The following DGKG variants were observed in gnomAD, a reference collection of about 807,000 sequenced individuals.
DGKG encodes the protein DAG kinase gamma.
DGKG carries 78 observed loss-of-function variants against 105.3 expected under a neutral mutation model. The observed-to-expected ratio is 0.74, with a 90% CI of 0.62 to 0.89. The LOEUF (loss-of-function observed/expected upper bound fraction) is 0.89, where lower values mean the gene tolerates loss of function less well. DGKG is among the 40% of genes least tolerant of loss of function. The probability of loss-of-function intolerance (pLI) is 0.00; values close to 1 mark genes in which losing one functional copy is unlikely to be tolerated. For synonymous variants in DGKG, 346 were observed against 367.1 expected, an observed-to-expected ratio of 0.94 and a Z score of 0.66; for missense variants, 958 against 1,020.1, an observed-to-expected ratio of 0.94 and a Z score of 0.83.
intron 1 of DGKG, among the ~76,000 whole-genome samples, chr3:186,328,935 T>A (rs552355264): frequency 6.6e-6 from 1 of 152,212 alleles, no homozygotes; most frequent in Admixed American, 6.5e-5. Context: ...ATTGCCTGAC[T>A]CTCCAGATGG....
chr3:186,257,833 G>A (rs768431524), intron 17 of DGKG, 21 bp downstream of exon 17: 20 of 1,587,112 alleles, frequency 1.3e-5, no homozygotes, highest in Admixed American at 5.0e-5. Context: ...AGCAGCAAAC[G>A]CCCTCTCAGC....
chr3:186,179,760 T>G (rs568904890), intron 22 of DGKG, among the ~76,000 whole-genome samples: 1 of 152,138 alleles, frequency 6.6e-6, no homozygotes, highest in Non-Finnish European at 1.5e-5. Flanking sequence ...TACTTTCTGA[T>G]GTAGAGTCAG....
At chr3:186,187,693 A>G in intron 22 of DGKG, among the ~76,000 whole-genome samples, 1 of 152,228 alleles carries the variant, frequency 6.6e-6, no homozygotes, top group African/African-American at 2.4e-5. Context: ...CAGACAGTGA[A>G]GAGAAGAGGG....
intron 17 of DGKG, among the ~76,000 whole-genome samples, chr3:186,256,696 G>A (rs1721493969): frequency 6.6e-6 from 1 of 152,236 alleles, no homozygotes; most frequent in African/African-American, 2.4e-5. Flanking sequence ...AGCTTTTCTC[G>A]AATCCACTCT....
chr3:186,173,092 A>G (rs1163381801), intron 22 of DGKG, among the ~76,000 whole-genome samples: 1 of 152,118 alleles, frequency 6.6e-6, no homozygotes, highest in East Asian at 1.9e-4. Flanking sequence ...TGTGTTTCCA[A>G]ATCTCTTCTT....
intron 20 of DGKG, among the ~76,000 whole-genome samples, chr3:186,221,872 G>A (rs1267637042): frequency 2.6e-5 from 4 of 152,208 alleles, no homozygotes; most frequent in East Asian, 1.9e-4. Context: ...CGTGACCGCC[G>A]GGTGGGTCCT....
At chr3:186,251,110 T>TG (rs11431720) in intron 19 of DGKG, among the ~76,000 whole-genome samples, 25,895 of 151,716 alleles carry the variant, frequency 0.17, 2,953 homozygotes, top group African/African-American at 0.33. Flanking sequence ...TGCATGGCAG[T>TG]GGGGGGCACC....
At chr3:186,312,986 A>G (rs573086705) in intron 2 of DGKG, among the ~76,000 whole-genome samples, 3 of 152,370 alleles carry the variant, frequency 2.0e-5, no homozygotes, top group East Asian at 1.9e-4. Context: ...GGCAAAAAAA[A>G]TAGATATTCA....
At chr3:186,155,592 A>G (rs752778211) in intron 24 of DGKG, among the ~76,000 whole-genome samples, 3 of 152,184 alleles carry the variant, frequency 2.0e-5, no homozygotes, top group Non-Finnish European at 2.9e-5. Flanking sequence ...TTATATATCA[A>G]TCTCTCTGTA....
In DGKG at chr3:186,320,600, A is replaced by G; in HGVS notation, c.-141T>C. The G allele has an allele frequency of 2.1e-6, 3 of 1,408,302 alleles. No individual in the cohort carries two copies. The highest frequency in any genetic ancestry group is 2.9e-6 in the Non-Finnish European group (3 of 1,046,916). 87.2% of individuals were successfully genotyped at this position (1,408,302 alleles called of 1,614,324 possible). A position where few individuals can be genotyped will look rare whatever the true frequency, so the allele number is the denominator to read the frequency against. On this transcript the variant is annotated 5_prime_UTR_variant, in exon 2 of 25. Coordinates refer to ENST00000265022, the MANE Select transcript of DGKG (RefSeq NM_001346.3). ...GAGACTTCTGGGAGCACTCAAGTGT[A>G]TACAGCAGCAGCAGGCACCTCTCAG...
Position 186,196,738 on chromosome 3 carries a change from C to T in DGKG, c.1918-8359G>A, listed in dbSNP as rs150014595. 2.9e-3 allele frequency among the ~76,000 whole-genome samples: 437 copies of T among 152,246 alleles called. 2 individuals are homozygous for T. Among genetic ancestry groups the T allele is most frequent in the African/African-American group, 9.9e-3 (411 of 41,536 alleles). ...CAACATGGGACATTAGAGATCATTC[C>T]TAATTACCAAAATGAGAACAGTGAG... is the stretch of plus-strand genomic sequence containing the variant. On this transcript the variant is annotated intron_variant, in intron 21 of 24. Transcript: ENST00000265022.
chr3:186,237,924 T>C (rs376985946), intron 20 of DGKG, among the ~76,000 whole-genome samples: 3 of 152,348 alleles, frequency 2.0e-5, no homozygotes, highest in East Asian at 3.9e-4. Flanking sequence ...GTTCACCACT[T>C]GGCATCTAGG....
At chr3:186,159,256 T>C (rs1016764255) in intron 24 of DGKG, 1 of 152,086 alleles carries the variant, frequency 6.6e-6, no homozygotes, top group Non-Finnish European at 1.5e-5. Flanking sequence ...TTTTAAATTC[T>C]TCCAGATTTG....
chr3:186,206,845 G>A (rs978940142), intron 21 of DGKG, among the ~76,000 whole-genome samples: 2 of 152,122 alleles, frequency 1.3e-5, no homozygotes, highest in African/African-American at 2.4e-5. Flanking sequence ...TGCCTCATGA[G>A]TTCAAGAGAT....
At chr3:186,156,261 T>C (rs1007909512) in intron 24 of DGKG, among the ~76,000 whole-genome samples, 2 of 151,818 alleles carry the variant, frequency 1.3e-5, no homozygotes, top group Non-Finnish European at 2.9e-5. Flanking sequence ...ACTGGGGGGC[T>C]TTTTTTTGCT....
chr3:186,229,854 CGAGT>C (rs1560105573), intron 20 of DGKG, among the ~76,000 whole-genome samples: 1 of 152,144 alleles, frequency 6.6e-6, no homozygotes, highest in South Asian at 2.1e-4. Flanking sequence ...GACTCCTCTC[CGAGT>C]GAGAAAGCTT....
rs368371497 is a variant in DGKG at position 186,275,646 on chromosome 3, G to T, written c.811C>A (p.Arg271=). Residue 271 remains arginine (R), a synonymous_variant, in exon 10 of 25, where the codon CGG becomes AGG. Transcript: ENST00000265022. ...MDDSGSKGDG[R]HAWTMKHFKK... Reference sequence around the variant, plus strand: ...AAGTGCTTCATGGTCCAGGCGTGCCGCCCATCCCCCTTGGAGCCCTGCAGG... The same window carrying T: ...AAGTGCTTCATGGTCCAGGCGTGCCTCCCATCCCCCTTGGAGCCCTGCAGG... 1 of 1,613,808 alleles carries T rather than the reference G, an allele frequency of 6.2e-7. No homozygotes were observed. Among genetic ancestry groups the T allele is most frequent in the Admixed American group, 1.7e-5 (1 of 60,002 alleles).
chr3:186,263,616 A>G (rs1370128983), intron 14 of DGKG, among the ~76,000 whole-genome samples: 1 of 151,838 alleles, frequency 6.6e-6, no homozygotes, highest in East Asian at 1.9e-4. Flanking sequence ...CAAACGCACC[A>G]TGTACTATCT....
intron 5 of DGKG, among the ~76,000 whole-genome samples, chr3:186,291,064 G>A (rs1174061402): frequency 3.9e-5 from 6 of 152,176 alleles, no homozygotes; most frequent in African/African-American, 1.4e-4. Flanking sequence ...TTAAAAGATA[G>A]ATCCAAAAAG....
Sources: allele counts gnomAD v4.1 joint callset (sites outside exome capture counted in the v4.1 genomes callset), GRCh38; gene constraint gnomAD v4.1.1; transcripts MANE v1.5; gene names NCBI Gene and HGNC (gene_info 2026-07-23, HGNC 2026-07-21).